The following ST7L variants were observed in gnomAD, a reference collection of about 807,000 sequenced individuals.
ST7L encodes the protein suppressor of tumorigenicity 7 protein-like.
In ST7L, 57 loss-of-function variants were observed where a neutral mutation model predicts 72.5. That is an observed-to-expected ratio of 0.79 (90% CI 0.64 to 0.98). The LOEUF is 0.98. Among genes scored for constraint, ST7L ranks in the 50% least tolerant of loss-of-function variants. The pLI, the probability that ST7L is intolerant of heterozygous loss-of-function variation, is 0.00. For synonymous variants in ST7L, 221 were observed against 240.9 expected (o/e 0.92, Z 0.77); for missense variants, 576 against 672.2 (o/e 0.86, Z 1.58).
chr1:112,559,145 T>C (rs768376445), intron 11 of ST7L, among the ~76,000 whole-genome samples: 1 of 152,216 alleles, frequency 6.6e-6, no homozygotes, highest in African/African-American at 2.4e-5. Context: ...ATTTAGTATA[T>C]TCGTAACCAT....
At chr1:112,526,820 T>C (rs1417132420) in intron 14 of ST7L, 2 of 152,032 alleles carry the variant, frequency 1.3e-5, no homozygotes, top group Non-Finnish European at 2.9e-5. Context: ...ACTCCTGGGT[T>C]AGGAAAGCAA....
At chr1:112,571,119 G>C (rs12041020) in intron 11 of ST7L, among the ~76,000 whole-genome samples, 1 of 152,118 alleles carries the variant, frequency 6.6e-6, no homozygotes, top group East Asian at 1.9e-4. Context: ...GCAGTGAGCC[G>C]AGATCAGCCC....
chr1:112,522,204 C>G (rs1288280963), downstream of ST7L: 1 of 152,002 alleles, frequency 6.6e-6, no homozygotes, highest in Admixed American at 6.6e-5. Flanking sequence ...CTAATTTAAA[C>G]ATAGTTTTCA....
chr1:112,551,244 G>C (rs1377882087), intron 12 of ST7L, among the ~76,000 whole-genome samples: 2 of 147,818 alleles, frequency 1.4e-5, no homozygotes, highest in East Asian at 2.0e-4. Context: ...TGCCTCCTGG[G>C]TTCACGCCAT....
chr1:112,576,668 A>G (rs1430215746), intron 11 of ST7L, among the ~76,000 whole-genome samples: 2 of 152,238 alleles, frequency 1.3e-5, no homozygotes, highest in East Asian at 1.9e-4. Flanking sequence ...ATTTAGTGAT[A>G]AGAAATATGA....
At chr1:112,601,310 A>G (rs998590094) in intron 3 of ST7L, among the ~76,000 whole-genome samples, 2 of 152,094 alleles carry the variant, frequency 1.3e-5, no homozygotes, top group African/African-American at 4.8e-5. Context: ...CAGTGGCGCA[A>G]TCTCAGCTCA....
intron 6 of ST7L, among the ~76,000 whole-genome samples, chr1:112,588,326 A>G (rs1665166724): frequency 6.6e-6 from 1 of 152,250 alleles, no homozygotes; most frequent in Non-Finnish European, 1.5e-5. Flanking sequence ...CCAGTATGCC[A>G]TGTAACACAG....
intron 7 of ST7L, among the ~76,000 whole-genome samples, 195 bp from the exon 8 acceptor site, chr1:112,582,667 G>T (rs915146710): frequency 1.1e-4 from 17 of 151,930 alleles, no homozygotes; most frequent in African/African-American, 3.6e-4. Flanking sequence ...CTATTTTTGC[G>T]CATGTTTCAA....
chr1:112,600,589 C>G (rs1667233477), intron 4 of ST7L, among the ~76,000 whole-genome samples: 1 of 151,726 alleles, frequency 6.6e-6, no homozygotes, highest in Non-Finnish European at 1.5e-5. Flanking sequence ...GGGCAAGACT[C>G]TATCTCTAAA....
chr1:112,537,426 T>C (rs191675608), intron 14 of ST7L, among the ~76,000 whole-genome samples: 1 of 152,366 alleles, frequency 6.6e-6, no homozygotes, highest in East Asian at 1.9e-4. Context: ...TTCACTGTTG[T>C]GATAATACCT....
At chr1:112,607,347 C>G (rs549293877) in intron 3 of ST7L, 1 of 152,450 alleles carries the variant, frequency 6.6e-6, no homozygotes, top group South Asian at 2.1e-4. Context: ...TGCCTGTAAT[C>G]CCAGCACTTT....
intron 12 of ST7L, among the ~76,000 whole-genome samples, chr1:112,551,516 T>C (rs1425977247): frequency 6.6e-6 from 1 of 152,254 alleles, no homozygotes; most frequent in Admixed American, 6.5e-5. Context: ...TGGCCCACTA[T>C]GATTTTATAA....
intron 11 of ST7L, among the ~76,000 whole-genome samples, chr1:112,576,424 C>T (rs1663119523): frequency 1.3e-5 from 2 of 152,088 alleles, no homozygotes; most frequent in African/African-American, 4.8e-5. Context: ...TGTTGTAACA[C>T]ACAAAGATTA....
intron 5 of ST7L, among the ~76,000 whole-genome samples, chr1:112,592,432 G>C (rs909113942): frequency 6.6e-6 from 1 of 152,152 alleles, no homozygotes; most frequent in South Asian, 2.1e-4. Context: ...CTTAGAAAAG[G>C]AGTCAATATA....
chr1:112,519,778 A>G (rs1042785000), downstream of ST7L, among the ~76,000 whole-genome samples: 11 of 152,126 alleles, frequency 7.2e-5, no homozygotes, highest in Non-Finnish European at 1.6e-4. Context: ...CATATGAGAA[A>G]CTAAGTTAAT....
At chr1:112,581,540 A>G (rs768455847) in intron 9 of ST7L, among the ~76,000 whole-genome samples, 1 of 151,986 alleles carries the variant, frequency 6.6e-6, no homozygotes, top group Non-Finnish European at 1.5e-5. Context: ...CTGGGACTAC[A>G]GGTACACACC....
At chr1:112,587,163 C>T (rs962906219) in intron 6 of ST7L, among the ~76,000 whole-genome samples, 8 of 152,092 alleles carry the variant, frequency 5.3e-5, no homozygotes, top group African/African-American at 1.9e-4. Context: ...CCATTTAGGT[C>T]CTTGATTGAT....
intron 6 of ST7L, among the ~76,000 whole-genome samples, chr1:112,585,909 T>C (rs1181334182): frequency 6.6e-6 from 1 of 152,220 alleles, no homozygotes; most frequent in African/African-American, 2.4e-5. Flanking sequence ...GAGAAATTAT[T>C]GATAAACGTA....
intron 11 of ST7L, among the ~76,000 whole-genome samples, chr1:112,567,019 G>C (rs538833178): frequency 7.2e-5 from 11 of 152,146 alleles, no homozygotes; most frequent in Admixed American, 2.0e-4. Flanking sequence ...ATATTTAATT[G>C]TATCAGAAAT....
Sources: gnomAD v4.1 joint callset for allele counts (sites outside exome capture counted in the v4.1 genomes callset) on GRCh38, gnomAD v4.1.1 for gene constraint, MANE v1.5 for transcripts, NCBI Gene and HGNC (gene_info 2026-07-23, HGNC 2026-07-21) for gene names.